GLB1: variants seen among roughly 807,000 people sequenced by gnomAD.
GLB1 encodes the protein beta-galactosidase.
GLB1 carries 56 observed loss-of-function variants against 74.0 expected under a neutral mutation model. That is an observed-to-expected ratio of 0.76 (90% CI 0.61 to 0.94). GLB1 has a LOEUF of 0.94. Ranked by LOEUF, GLB1 falls within the 40% of genes least tolerant of loss-of-function variation. The pLI, the probability that GLB1 is intolerant of heterozygous loss-of-function variation, is 0.00. For synonymous variants in GLB1, 323 were observed against 323.6 expected (o/e 1.00, Z 0.02); for missense variants, 787 against 845.5 (o/e 0.93, Z 0.86).
the GLB1 span, among the ~76,000 whole-genome samples, chr3:32,964,494 A>C: frequency 3.9e-5 from 6 of 152,224 alleles, no homozygotes; most frequent in Non-Finnish European, 8.8e-5. Flanking sequence ...TACTAGAAAG[A>C]CTTCCAATTA....
chr3:32,971,624 T>C, the GLB1 span, among the ~76,000 whole-genome samples: 6 of 152,238 alleles, frequency 3.9e-5, no homozygotes, highest in Non-Finnish European at 8.8e-5. Flanking sequence ...GCCTCCATAA[T>C]TGGAAAGTAC....
intron 1 of GLB1, among the ~76,000 whole-genome samples, chr3:33,090,236 T>C (rs1408023518): frequency 6.6e-6 from 1 of 152,238 alleles, no homozygotes; most frequent in Non-Finnish European, 1.5e-5. Context: ...GGTAACATTA[T>C]GTTTTCTATG....
At chr3:33,030,496 A>C (rs748460474) in intron 10 of GLB1, 140 of 985,280 alleles carry the variant, frequency 1.4e-4, no homozygotes, top group Non-Finnish European at 1.7e-4. Context: ...ACTGGTTTTC[A>C]CCAGCACTAT....
chr3:33,086,316 G>T (rs1700501771), intron 1 of GLB1, among the ~76,000 whole-genome samples: 2 of 152,144 alleles, frequency 1.3e-5, no homozygotes, highest in African/African-American at 4.8e-5. Context: ...AAAGAATCTG[G>T]TATCTGTCTT....
At chr3:33,042,491 C>T (rs1319545927) in intron 10 of GLB1, among the ~76,000 whole-genome samples, 2 of 150,972 alleles carry the variant, frequency 1.3e-5, no homozygotes, top group African/African-American at 2.4e-5. Flanking sequence ...CCTCAGCCTC[C>T]GGAGTAGCTG....
chr3:33,053,437 T>C (rs1699082101), intron 7 of GLB1, 54 bp downstream of exon 7: 3 of 1,613,688 alleles, frequency 1.9e-6, no homozygotes, highest in Admixed American at 1.7e-5. Context: ...TTCAGCAGCA[T>C]GTAACTTTTC....
At chr3:32,984,608 T>C in the GLB1 span, among the ~76,000 whole-genome samples, 615 of 150,962 alleles carry the variant, frequency 4.1e-3, 3 homozygotes, top group African/African-American at 0.014. Flanking sequence ...TGAGACCAAG[T>C]TTCCATTAAA....
At chr3:32,987,977 G>C in the GLB1 span, among the ~76,000 whole-genome samples, 2 of 151,964 alleles carry the variant, frequency 1.3e-5, no homozygotes, top group Non-Finnish European at 2.9e-5. Flanking sequence ...TTGAGGTCAG[G>C]AGTTTGAGAC....
intron 15 of GLB1, among the ~76,000 whole-genome samples, chr3:33,003,660 A>C (rs2125450226): frequency 6.6e-6 from 1 of 152,346 alleles, no homozygotes; most frequent in East Asian, 1.9e-4. Context: ...TTTAGGATGA[A>C]AGTAGGGTCC....
chr3:33,095,350 T>C (rs990917124), intron 1 of GLB1, among the ~76,000 whole-genome samples: 20 of 150,620 alleles, frequency 1.3e-4, no homozygotes, highest in Admixed American at 2.7e-4. Context: ...ACCCCGTCTC[T>C]ACTAAAAATA....
intron 1 of GLB1, among the ~76,000 whole-genome samples, chr3:33,075,109 G>C (rs535986193): frequency 6.6e-6 from 1 of 152,274 alleles, no homozygotes; most frequent in East Asian, 1.9e-4. Context: ...CACAAAAATA[G>C]AAAAATTATT....
At chr3:33,001,326 T>C (rs925403141) in intron 15 of GLB1, among the ~76,000 whole-genome samples, 31 of 152,176 alleles carry the variant, frequency 2.0e-4, no homozygotes, top group African/African-American at 7.2e-4. Context: ...CAAGCGATCC[T>C]CCTGCCTCAG....
chr3:32,989,876 T>C, the GLB1 span, among the ~76,000 whole-genome samples: 1 of 152,168 alleles, frequency 6.6e-6, no homozygotes, highest in East Asian at 1.9e-4. Context: ...CCGCCCTATT[T>C]CTTCAAAAGG....
chr3:33,041,579 T>C (rs758233498), intron 10 of GLB1, among the ~76,000 whole-genome samples: 5 of 151,404 alleles, frequency 3.3e-5, no homozygotes, highest in African/African-American at 4.9e-5. Context: ...GGAGAATCGC[T>C]TGAAGCTGGG....
Position 33,097,011 on chromosome 3 carries a change from G to A in GLB1, c.75C>T (p.Arg25=), listed in dbSNP as rs1319337180. 4 of 1,611,734 alleles carry A rather than the reference G, an allele frequency of 2.5e-6. No homozygotes were observed. ...LLLLGPTRGL[R]NATQRMFEID... Reference sequence around the variant, plus strand: ...CCGTACCCGGGTCCCGCAGACTTACGCGCAAGCCGCGCGTAGGGCCCAGAA... The same window carrying A: ...CCGTACCCGGGTCCCGCAGACTTACACGCAAGCCGCGCGTAGGGCCCAGAA... Residue 25 remains arginine (R), a splice_region_variant and synonymous_variant, in exon 1 of 16, where the codon CGC becomes CGT. Transcript: ENST00000307363.
chr3:33,031,608 T>C (rs1698012596), intron 10 of GLB1, among the ~76,000 whole-genome samples: 1 of 41,382 alleles, frequency 2.4e-5, no homozygotes, highest in Admixed American at 3.6e-4. Flanking sequence ...CAAGGCTCTG[T>C]CTCAAAAAAA....
At chr3:32,989,237 C>A in the GLB1 span, among the ~76,000 whole-genome samples, 1 of 152,174 alleles carries the variant, frequency 6.6e-6, no homozygotes, top group African/African-American at 2.4e-5. Context: ...TCTGCCCTCT[C>A]TCATGTCTCC....
intron 1 of GLB1, chr3:33,091,045 C>G (rs1700737501): frequency 1.0e-6 from 1 of 985,244 alleles, no homozygotes; most frequent in African/African-American, 1.7e-5. Flanking sequence ...ACATTACCAG[C>G]CGCATCAAAC....
rs541375248 is a variant in GLB1 at position 33,014,034 on chromosome 3, C to A, written c.1734+22G>T. ...CCAAAAGTTTAGGCCTGAATTCAAA[C>A]CCTTCCCATGAAGACACGTACCTTG... On this transcript the variant is annotated intron_variant, in intron 15 of 15. Transcript: ENST00000307363. 120 of 1,614,184 alleles carry A rather than the reference C, an allele frequency of 7.4e-5. 1 individual carries two copies. The South Asian group carries it at 1.3e-3, about 17-fold the overall frequency.
Sources: allele counts gnomAD v4.1 joint callset (sites outside exome capture counted in the v4.1 genomes callset), GRCh38; gene constraint gnomAD v4.1.1; transcripts MANE v1.5; gene names NCBI Gene and HGNC (gene_info 2026-07-23, HGNC 2026-07-21).